Variants in PTPN12 observed in about 807,000 individuals in gnomAD.
PTPN12 encodes tyrosine-protein phosphatase non-receptor type 12.
PTPN12 carries 29 observed loss-of-function variants against 97.6 expected under a neutral mutation model. The ratio of observed to expected loss-of-function variants is 0.30; its 90% CI spans 0.22 to 0.41. PTPN12 has a LOEUF of 0.41. PTPN12 is among the 10% of genes least tolerant of loss of function. PTPN12 has a pLI of 1.00. For missense variants in PTPN12, 819 were observed against 926.0 expected (o/e 0.88, Z 1.50); for synonymous variants, 327 against 300.4 (o/e 1.09, Z -0.91).
intron 1 of PTPN12, among the ~76,000 whole-genome samples, chr7:77,549,064 A>C (rs543409219): frequency 6.6e-6 from 1 of 152,336 alleles, no homozygotes; most frequent in South Asian, 2.1e-4. Context: ...AGAGCTCAGA[A>C]TGACTAGAAT....
rs943130954 is a variant in PTPN12, at chr7:77,628,594, A to AT, written c.1996+929dup. ...TTTTTTTGAGACTTGCACTCAAAAGATTTTTTTTTTGAGTCTTGCACTGTC... is the reference window on the plus strand; with the variant it reads ...TTTTTTTGAGACTTGCACTCAAAAGATTTTTTTTTTTGAGTCTTGCACTGTC... On this transcript the variant is annotated intron_variant, in intron 13 of 17. Coordinates refer to ENST00000248594, the MANE Select transcript of PTPN12 (RefSeq NM_002835.4). 5.3e-4 allele frequency among the ~76,000 whole-genome samples: 78 copies of AT among 147,492 alleles called. No homozygotes were observed. In the South Asian group the frequency reaches 5.4e-3, roughly 10 times the overall value.
At chr7:77,609,741 C>T (rs927695793) in intron 9 of PTPN12, among the ~76,000 whole-genome samples, 1 of 151,910 alleles carries the variant, frequency 6.6e-6, no homozygotes, top group Admixed American at 6.6e-5. Context: ...AATCGCCAGG[C>T]GTAGTGGCGG....
intron 5 of PTPN12, among the ~76,000 whole-genome samples, chr7:77,589,581 C>T (rs556840512): frequency 6.0e-4 from 92 of 152,162 alleles, no homozygotes; most frequent in African/African-American, 2.2e-3. Context: ...GCAAAAGATA[C>T]ATCTTTCAGT....
intron 1 of PTPN12, among the ~76,000 whole-genome samples, chr7:77,554,180 C>T (rs1410990077): frequency 6.6e-6 from 1 of 152,176 alleles, no homozygotes; most frequent in African/African-American, 2.4e-5. Context: ...GTTGCCCAGG[C>T]TGTCAAACTC....
chr7:77,537,981 G>T (rs562074705), intron 1 of PTPN12: 28 of 973,602 alleles, frequency 2.9e-5, no homozygotes, highest in East Asian at 1.9e-4. Flanking sequence ...TGCAGGCCGG[G>T]GGGGGGGGCT....
At chr7:77,605,946 T>G (rs562611543) in intron 8 of PTPN12, among the ~76,000 whole-genome samples, 4 of 12,578 alleles carry the variant, frequency 3.2e-4, no homozygotes. Flanking sequence ...AAGAGCCATC[T>G]TTTTTTTTTT....
chr7:77,638,872 G>T, intron 17 of PTPN12, 141 bp downstream of exon 17: 1 of 1,289,040 alleles, frequency 7.8e-7, no homozygotes, highest in Non-Finnish European at 1.0e-6. Flanking sequence ...TGAAATAAAT[G>T]AAATACTTAA....
rs752741993 is a variant in PTPN12 at position 77,627,055 on chromosome 7, G to A, written c.1376G>A (p.Gly459Glu). ...SFDGNTLLNR[G>E]HAIKIKSASP... Reference sequence around the variant, plus strand: ...GATGGGAACACACTTTTGAATAGGGGACATGCAATTAAAATTAAATCTGCT... The same window carrying A: ...GATGGGAACACACTTTTGAATAGGGAACATGCAATTAAAATTAAATCTGCT... The change falls in exon 13 of 18, where the codon GGA (glycine) becomes GAA (glutamate). Residue 459 changes from glycine (G) to glutamate (E), a missense_variant. Around this residue, in one of 5 missense-constraint regions of PTPN12, gnomAD observed 607 missense variants for 577.3 expected, o/e 1.05. Coordinates refer to ENST00000248594, the MANE Select transcript of PTPN12 (RefSeq NM_002835.4). 1.9e-6 allele frequency: 3 copies of A among 1,613,788 alleles called. No individual in the cohort carries two copies. Among genetic ancestry groups the A allele is most frequent in the Admixed American group, 1.7e-5 (1 of 59,964 alleles).
chr7:77,621,117 T>C (rs140447727), intron 12 of PTPN12, among the ~76,000 whole-genome samples: 188 of 152,156 alleles, frequency 1.2e-3, no homozygotes, highest in African/African-American at 4.3e-3. Flanking sequence ...TTTATTTATT[T>C]ATTTACTTTT....
intron 8 of PTPN12, 109 bp downstream of exon 8, chr7:77,600,915 A>G (rs1338727237): frequency 5.9e-6 from 6 of 1,013,690 alleles, no homozygotes; most frequent in South Asian, 1.7e-5. Context: ...CCTAGCCTTG[A>G]TACAATGTTT....
intron 8 of PTPN12, among the ~76,000 whole-genome samples, chr7:77,605,705 G>A (rs1174890790): frequency 3.3e-5 from 5 of 151,836 alleles, no homozygotes; most frequent in African/African-American, 7.3e-5. Flanking sequence ...ACAGGCGTGA[G>A]CCACTGAGCC....
intron 5 of PTPN12, among the ~76,000 whole-genome samples, chr7:77,591,847 T>G (rs1437676630): frequency 6.6e-6 from 1 of 152,236 alleles, no homozygotes; most frequent in Non-Finnish European, 1.5e-5. Flanking sequence ...CCTAGCAACC[T>G]TTATACCAAA....
chr7:77,624,321 A>T (rs1789053689), intron 12 of PTPN12, among the ~76,000 whole-genome samples: 1 of 152,118 alleles, frequency 6.6e-6, no homozygotes, highest in Admixed American at 6.5e-5. Context: ...GGAATATCTT[A>T]TGAGAGTATT....
intron 8 of PTPN12, among the ~76,000 whole-genome samples, chr7:77,602,952 G>C (rs748667168): frequency 6.6e-6 from 1 of 152,102 alleles, no homozygotes. Context: ...TATTTTTTCA[G>C]TGGAGTTGAA....
rs145706604 is a variant in PTPN12, at chr7:77,581,125, T to C, written c.209-302T>C. On this transcript the variant is annotated intron_variant, in intron 2 of 17. Transcript: ENST00000248594. ...CTTCACTCTGTCGCCCAGGCTAGAG[T>C]GCAGTGGCGCAATCTTGGCTCACTG... 7.0e-3 allele frequency among the ~76,000 whole-genome samples: 1,072 copies of C among 152,242 alleles called. 4 individuals carry two copies. The highest frequency in any genetic ancestry group is 0.012 in the Non-Finnish European group (791 of 68,002).
rs1168132976 is a variant in PTPN12, at chr7:77,629,939, C to CAA, written c.1996+2282_1996+2283dup. 2.0e-3 allele frequency among the ~76,000 whole-genome samples: 200 copies of CAA among 98,810 alleles called. 2 individuals carry two copies. The highest frequency in any genetic ancestry group is 0.014 in the South Asian group (40 of 2,890). 64.8% of individuals were successfully genotyped at this position (98,810 alleles called of 152,430 possible). On this transcript the variant is annotated intron_variant, in intron 13 of 17. Transcript: ENST00000248594. ...TGGGCAACAGAGGGAGACCCTGTCT[C>CAA]AAAAAAAAAAAAAAAAAAAGAGTAA...
In PTPN12 at chr7:77,538,026, C is replaced by G. The variant is rs181877602; in HGVS notation, c.99+381C>G. On this transcript the variant is annotated intron_variant, in intron 1 of 17. Coordinates refer to ENST00000248594, the MANE Select transcript of PTPN12 (RefSeq NM_002835.4). ...ACACCTCCCCGCGCAGTTCGCTCCT[C>G]CCAGGAGGGTCGAGGCAAGGTATCT... 30 of 1,019,224 alleles carry G rather than the reference C, an allele frequency of 2.9e-5. No individual in the cohort carries two copies. In the Admixed American group the frequency reaches 1.7e-3, roughly 59 times the overall value. 63.1% of individuals were successfully genotyped at this position (1,019,224 alleles called of 1,614,324 possible). A position where few individuals can be genotyped will look rare whatever the true frequency, so the allele number is the denominator to read the frequency against.
chr7:77,577,311 T>C (rs1447690408), intron 2 of PTPN12, among the ~76,000 whole-genome samples: 1 of 152,238 alleles, frequency 6.6e-6, no homozygotes, highest in Non-Finnish European at 1.5e-5. Flanking sequence ...TGTCTGTGCA[T>C]AGCGATATTA....
At chr7:77,588,197 A>G (rs955971508) in intron 5 of PTPN12, among the ~76,000 whole-genome samples, 2 of 152,196 alleles carry the variant, frequency 1.3e-5, no homozygotes, top group African/African-American at 4.8e-5. Context: ...TCAGTTTTCA[A>G]CATGCCTTCT....
Sources: gnomAD v4.1 joint callset for allele counts (sites outside exome capture counted in the v4.1 genomes callset) on GRCh38, gnomAD v4.1.1 for gene constraint, gnomAD v4.1.1 regional missense constraint, MANE v1.5 for transcripts, NCBI Gene and HGNC (gene_info 2026-07-23, HGNC 2026-07-21) for gene names.